RPS6KA1: variants seen among roughly 807,000 people sequenced by gnomAD.
RPS6KA1 encodes the protein ribosomal protein S6 kinase A1, also known as ribosomal protein S6 kinase alpha-1.
A neutral mutation model predicts 91.3 loss-of-function variants in RPS6KA1; 48 were observed. The ratio of observed to expected loss-of-function variants is 0.53; its 90% confidence interval spans 0.42 to 0.67. RPS6KA1 has a LOEUF of 0.67. Ranked by LOEUF, RPS6KA1 falls within the 30% of genes least tolerant of loss-of-function variation. The pLI, the probability that RPS6KA1 is intolerant of heterozygous loss-of-function variation, is 0.00. For synonymous variants in RPS6KA1, 359 were observed against 384.7 expected (o/e 0.93, Z 0.78); for missense variants, 719 against 960.5 (o/e 0.75, Z 3.32).
chr1:26,555,507 A>G lies in RPS6KA1; in HGVS notation c.828-30A>G. The G allele has an allele frequency of 6.4e-7, 1 of 1,558,924 alleles. No individual in the cohort carries two copies. The highest frequency in any genetic ancestry group is 1.4e-5 in the African/African-American group (1 of 73,488). On this transcript the variant is annotated intron_variant, in intron 10 of 21. Coordinates refer to ENST00000374168, the MANE Select transcript of RPS6KA1 (RefSeq NM_002953.4). This position sits in a 1 kb window ranked among gnomAD's most constrained non-coding sequence, Gnocchi z 4.3. The stretch of plus-strand genomic sequence containing the variant: ...AGATGGGGCCTCTGGGGCAGGGCTC[A>G]GCCTTGATGAGTCCCGGGGGCTGTT...
intron 1 of RPS6KA1, among the ~76,000 whole-genome samples, chr1:26,533,538 T>G (rs1438810412): frequency 2.0e-5 from 3 of 152,098 alleles, no homozygotes; most frequent in Non-Finnish European, 4.4e-5. Context: ...AAACCCCGCC[T>G]CTACTAAAAA....
chr1:26,571,344 C>A lies in RPS6KA1; in HGVS notation c.1591-105C>A. ...CTCTCGGATGCCAAGTCCATGCACC[C>A]GTCCCTCTGCACCCTGTCTGTGTAG... On this transcript the variant is annotated intron_variant, in intron 17 of 21. Transcript: ENST00000374168. This position sits in a 1 kb window ranked among gnomAD's most constrained non-coding sequence, Gnocchi z 5.1. The A allele has an allele frequency of 9.4e-7, 1 of 1,069,018 alleles. No individual in the cohort carries two copies. Among genetic ancestry groups the A allele is most frequent in the Non-Finnish European group, 1.4e-6 (1 of 719,300 alleles). 66.2% of individuals were successfully genotyped at this position (1,069,018 alleles called of 1,614,324 possible).
chr1:26,573,027 G>A (rs1021361542), intron 20 of RPS6KA1, among the ~76,000 whole-genome samples, 197 bp from the exon 21 acceptor site: 4 of 152,190 alleles, frequency 2.6e-5, no homozygotes, highest in African/African-American at 9.7e-5. Context: ...AGGACGAAGG[G>A]CCTAGAGCAG....
At chr1:26,566,167 A>AGGT (rs1238827129) in intron 17 of RPS6KA1, among the ~76,000 whole-genome samples, 1 of 151,852 alleles carries the variant, frequency 6.6e-6, no homozygotes, top group Non-Finnish European at 1.5e-5. Flanking sequence ...GCTTTTGCTA[A>AGGT]TTTACACTCC....
Position 26,561,476 on chromosome 1 carries a change from G to A in RPS6KA1, c.1432-29G>A. 6.2e-7 allele frequency: 1 copy of A among 1,614,074 alleles called. No individual in the cohort carries two copies. The highest frequency in any genetic ancestry group is 8.5e-7 in the Non-Finnish European group (1 of 1,179,954). ...GGGGGCTCAGGCCTGACACTGGGGA[G>A]AAGAGCCTGATGGTGAGGTCTTCGG... On this transcript the variant is annotated intron_variant, in intron 16 of 21. Transcript: ENST00000374168. The surrounding 1 kb of genome is among the most constrained non-coding windows in gnomAD (Gnocchi z 5.7).
Position 26,540,988 on chromosome 1 carries a change from C to G in RPS6KA1, c.108+4019C>G, listed in dbSNP as rs1014963441. ...TATTTTTAGTAGAGACGGGGTTTCT[C>G]CATGTTGGTCAGGCTGGTCTCGAAC... On this transcript the variant is annotated intron_variant, in intron 2 of 21. Transcript: ENST00000374168. This position sits in a 1 kb window ranked among gnomAD's most constrained non-coding sequence, Gnocchi z 4.2. Among the ~76,000 whole-genome samples the G allele has an allele frequency of 6.6e-6, 1 of 152,034 alleles. No individual in the cohort carries two copies. Among genetic ancestry groups the G allele is most frequent in the Non-Finnish European group, 1.5e-5 (1 of 68,004 alleles).
At chr1:26,564,158 G>A (rs911851422) in intron 17 of RPS6KA1, among the ~76,000 whole-genome samples, 40 of 152,086 alleles carry the variant, frequency 2.6e-4, no homozygotes, top group Middle Eastern at 3.4e-3. Flanking sequence ...GAAGGCCAAC[G>A]TCATCCAATC....
chr1:26,558,169 G>A lies in RPS6KA1; in HGVS notation c.1085-638G>A, dbSNP rs1028914590. Among the ~76,000 whole-genome samples, 3 of 152,130 alleles carry A rather than the reference G, an allele frequency of 2.0e-5. No individual in the cohort carries two copies. Among genetic ancestry groups the A allele is most frequent in the African/African-American group, 4.8e-5 (2 of 41,430 alleles). On this transcript the variant is annotated intron_variant, in intron 13 of 21. Coordinates refer to ENST00000374168, the MANE Select transcript of RPS6KA1 (RefSeq NM_002953.4). The surrounding 1 kb of genome is among the most constrained non-coding windows in gnomAD (Gnocchi z 4.0). ...TGGGCAACGTGACAAGTGCAGCTTC[G>A]TAGGAGTCAGGGGCCGGAGGAGCAG...
At position 26,549,200 on chromosome 1, in the gene RPS6KA1, A is replaced by G. The variant is rs1022067528; in HGVS notation, c.307+1930A>G. Among the ~76,000 whole-genome samples, 6 of 151,444 alleles carry G rather than the reference A, an allele frequency of 4.0e-5. No individual in the cohort carries two copies. The Admixed American group carries it at 4.0e-4, about 10-fold the overall frequency. ...CAGTACATGGACCAAAAAAGCCTTT[A>G]GTTTTGCATTGTGTGTATTGCTCAG... On this transcript the variant is annotated intron_variant, in intron 4 of 21. Coordinates refer to ENST00000374168, the MANE Select transcript of RPS6KA1 (RefSeq NM_002953.4).
At chr1:26,556,821 C>T (rs2076106068) in intron 12 of RPS6KA1, 103 bp downstream of exon 12, 1 of 1,414,294 alleles carries the variant, frequency 7.1e-7, no homozygotes, top group Admixed American at 1.7e-5. Context: ...GCCCCAGACG[C>T]AGGAGCAGAG....
At position 26,573,289 on chromosome 1, in the gene RPS6KA1, G is replaced by T. The variant is rs771632302; in HGVS notation, c.2013G>T (p.Gln671His). 6.2e-7 allele frequency: 1 copy of T among 1,614,190 alleles called. No homozygotes were observed. Among genetic ancestry groups the T allele is most frequent in the South Asian group, 1.1e-5 (1 of 91,088 alleles). Residue 671 changes from glutamine (Q) to histidine (H), a missense_variant, in exon 21 of 22, where the codon CAG (glutamine) becomes CAT (histidine). By Grantham distance (24) the Gln-to-His change is conservative. Transcript: ENST00000374168. ...HQRLTAKQVLQHPWVTQKDKL... is the reference protein window; with the variant it reads ...HQRLTAKQVLHHPWVTQKDKL... ...GCCTCACAGCTAAGCAGGTTCTGCA[G>T]CATCCATGGGTCACCCAGAAAGACA...
intron 2 of RPS6KA1, chr1:26,543,926 CT>C (rs2075969788): frequency 5.3e-6 from 2 of 375,468 alleles, no homozygotes; most frequent in Admixed American, 6.1e-5. Context: ...CTCTCAGCTA[CT>C]GTCTGGGTCC....
chr1:26,557,008 G>A lies in RPS6KA1; in HGVS notation c.992G>A (p.Arg331His), dbSNP rs1292749342. ...YSTIDWNKLY[R>H]REIKPPFKPA... ...CACCCCACTGTGCAGAAGCTATACC[G>A]TCGTGAGATCAAGCCACCCTTCAAG... The change falls in exon 13 of 22, where the codon CGT (arginine) becomes CAT (histidine). Residue 331 changes from arginine (R) to histidine (H), a missense_variant. Arg to His is a conservative substitution (Grantham distance 29). Transcript: ENST00000374168. 8.1e-6 allele frequency: 13 copies of A among 1,613,722 alleles called. No individual in the cohort carries two copies. The highest frequency in any genetic ancestry group is 6.7e-5 in the Admixed American group (4 of 60,008).
chr1:26,555,557 A>G lies in RPS6KA1; in HGVS notation c.848A>G (p.Gln283Arg), dbSNP rs929290974. 98 of 1,598,622 alleles carry G rather than the reference A, an allele frequency of 6.1e-5. No homozygotes were observed. Among genetic ancestry groups the G allele is most frequent in the Non-Finnish European group, 8.3e-5 (97 of 1,171,962 alleles). ...LILKAKLGMP[Q>R]FLSTEAQSLL... ...TTCAGGGCGAAGCTAGGCATGCCCCAGTTTCTGAGCACTGAAGCCCAGAGC... is the reference window on the plus strand; with the variant it reads ...TTCAGGGCGAAGCTAGGCATGCCCCGGTTTCTGAGCACTGAAGCCCAGAGC... Residue 283 changes from glutamine to arginine, a missense_variant, in exon 11 of 22, where the codon CAG (glutamine) becomes CGG (arginine). This residue lies in a region of RPS6KA1 where 228 missense variants were observed against 247.6 expected (regional missense o/e 0.92). Transcript: ENST00000374168. This position sits in a 1 kb window ranked among gnomAD's most constrained non-coding sequence, Gnocchi z 4.3.
intron 2 of RPS6KA1, among the ~76,000 whole-genome samples, chr1:26,541,315 G>A (rs1408930668): frequency 6.6e-6 from 1 of 150,968 alleles, no homozygotes; most frequent in African/African-American, 2.4e-5. Context: ...AGCACTTTGG[G>A]AGGCCGAGGC....
Position 26,547,003 on chromosome 1 carries a change from C to A in RPS6KA1, c.225+20C>A. 6.3e-7 allele frequency: 1 copy of A among 1,597,742 alleles called. No individual in the cohort carries two copies. The highest frequency in any genetic ancestry group is 8.6e-7 in the Non-Finnish European group (1 of 1,165,240). ...GGCAAAGTGAGTCATGAGCCCATAG[C>A]TGTGAAGGCAACACTCGTCATGTTA... On this transcript the variant is annotated intron_variant, in intron 3 of 21. Coordinates refer to ENST00000374168, the MANE Select transcript of RPS6KA1 (RefSeq NM_002953.4). The surrounding 1 kb of genome is among the most constrained non-coding windows in gnomAD (Gnocchi z 4.1).
chr1:26,537,155 A>G lies in RPS6KA1; in HGVS notation c.108+186A>G, dbSNP rs563142363. On this transcript the variant is annotated intron_variant, in intron 2 of 21. Coordinates refer to ENST00000374168, the MANE Select transcript of RPS6KA1 (RefSeq NM_002953.4). ...ACTTGTTCCAACCTTCCTATTTTGTAGGTGAGGCGACTGTGGCCCAGAAAG... is the reference window on the plus strand; with the variant it reads ...ACTTGTTCCAACCTTCCTATTTTGTGGGTGAGGCGACTGTGGCCCAGAAAG... Among the ~76,000 whole-genome samples, 3 of 152,320 alleles carry G rather than the reference A, an allele frequency of 2.0e-5. No homozygotes were observed. In the East Asian group the frequency reaches 5.8e-4, roughly 29 times the overall value.
In RPS6KA1 at chr1:26,533,477, G is replaced by A. The variant is rs143859721; in HGVS notation, c.64-3448G>A. Among the ~76,000 whole-genome samples, 136 of 152,146 alleles carry A rather than the reference G, an allele frequency of 8.9e-4. 1 individual carries two copies. The highest frequency in any genetic ancestry group is 3.1e-3 in the African/African-American group (129 of 41,584). ...TCCTAGCACTTTGGGAGCCTGAGGC[G>A]GGTGGATCACCTGAGGTCAGGAGTT... On this transcript the variant is annotated intron_variant, in intron 1 of 21. Coordinates refer to ENST00000374168, the MANE Select transcript of RPS6KA1 (RefSeq NM_002953.4).
intron 2 of RPS6KA1, among the ~76,000 whole-genome samples, chr1:26,543,642 T>A (rs560054332): frequency 6.6e-6 from 1 of 152,246 alleles, no homozygotes; most frequent in South Asian, 2.1e-4. Context: ...ACCCTAGTAC[T>A]GAAGGAGAAG....
Sources: gnomAD v4.1 joint callset for allele counts (sites outside exome capture counted in the v4.1 genomes callset) on GRCh38, gnomAD v4.1.1 for gene constraint, gnomAD v4.1.1 regional missense constraint, Gnocchi (gnomAD v3.1) non-coding constraint, MANE v1.5 for transcripts, NCBI Gene and HGNC (gene_info 2026-07-23, HGNC 2026-07-21) for gene names.